Variants in RALGAPA1 observed in about 807,000 individuals in gnomAD.
The protein encoded by RALGAPA1 is Ral GTPase activating protein catalytic subunit alpha 1.
A neutral mutation model predicts 269.6 loss-of-function variants in RALGAPA1; 52 were observed. The observed-to-expected ratio is 0.19, with a 90% CI of 0.15 to 0.24. The LOEUF (loss-of-function observed/expected upper bound fraction) is 0.24, where lower values mean the gene tolerates loss of function less well. Ranked by LOEUF, RALGAPA1 falls within the 10% of genes least tolerant of loss-of-function variation. The pLI is 1.00. For synonymous variants in RALGAPA1, 817 were observed against 1,008.3 expected (o/e 0.81, Z 3.60); for missense variants, 1,917 against 3,013.9 (o/e 0.64, Z 8.52).
Position 35,689,937 on chromosome 14 carries a change from G to T in RALGAPA1, c.2474C>A (p.Thr825Asn). The change falls in exon 18 of 42, where the codon ACT becomes AAT. Residue 825 changes from threonine (T) to asparagine (N), a missense_variant. Transcript: ENST00000680220. ...CAAAGCACCAAAAACTTCATTTCCA[G>T]TTTCTTCACTTTGTGAAAAATGTCT... is the stretch of plus-strand genomic sequence containing the variant. Reference protein sequence around the residue: ...RVRHFSQSEETGNEVFGALNE... With the variant: ...RVRHFSQSEENGNEVFGALNE... 1 of 1,601,808 alleles carries T rather than the reference G, an allele frequency of 6.2e-7. No homozygotes were observed. Among genetic ancestry groups the T allele is most frequent in the African/African-American group, 1.4e-5 (1 of 73,840 alleles).
At chr14:35,673,946 T>TACAG (rs1566971372) in intron 24 of RALGAPA1, among the ~76,000 whole-genome samples, 1 of 152,188 alleles carries the variant, frequency 6.6e-6, no homozygotes, top group Non-Finnish European at 1.5e-5. Flanking sequence ...TTAAATACAA[T>TACAG]ACAGACATAC....
At chr14:35,636,831 T>C (rs1173958278) in intron 31 of RALGAPA1, among the ~76,000 whole-genome samples, 3 of 152,170 alleles carry the variant, frequency 2.0e-5, no homozygotes, top group Admixed American at 2.0e-4. Context: ...TCGAATTATC[T>C]GTAAGTAGAA....
intron 10 of RALGAPA1, among the ~76,000 whole-genome samples, chr14:35,745,763 C>CAAAAA (rs1157650791): frequency 2.4e-4 from 8 of 33,114 alleles, no homozygotes; most frequent in African/African-American, 5.7e-4. Context: ...GACTCCATCT[C>CAAAAA]AAAAAAAAAA....
chr14:35,665,361 C>T (rs1024934729), intron 26 of RALGAPA1, among the ~76,000 whole-genome samples: 1 of 152,150 alleles, frequency 6.6e-6, no homozygotes, highest in African/African-American at 2.4e-5. Context: ...CAACACTGAA[C>T]ATTTCTTTTT....
At chr14:35,574,088 T>C (rs1411993159) in intron 37 of RALGAPA1, among the ~76,000 whole-genome samples, 1 of 152,188 alleles carries the variant, frequency 6.6e-6, no homozygotes, top group Non-Finnish European at 1.5e-5. Flanking sequence ...TGATATCAAG[T>C]ATAATTGAAG....
At chr14:35,762,185 AAC>A (rs1410235157) in intron 5 of RALGAPA1, among the ~76,000 whole-genome samples, 1 of 152,140 alleles carries the variant, frequency 6.6e-6, no homozygotes, top group Non-Finnish European at 1.5e-5. Context: ...GGCAAAGTAC[AAC>A]AGTTTTTTCA....
chr14:35,718,184 G>C (rs938531481), intron 16 of RALGAPA1, among the ~76,000 whole-genome samples: 1 of 152,010 alleles, frequency 6.6e-6, no homozygotes, highest in Non-Finnish European at 1.5e-5. Context: ...TGGTTTATTT[G>C]CTTATTATAT....
intron 6 of RALGAPA1, among the ~76,000 whole-genome samples, chr14:35,758,649 G>A (rs934145069): frequency 6.6e-6 from 1 of 152,112 alleles, no homozygotes; most frequent in Admixed American, 6.5e-5. Context: ...TGAGGCTGGA[G>A]GATTGTTTGA....
At chr14:35,605,518 TA>T in intron 36 of RALGAPA1, 67 bp downstream of exon 36, 1 of 1,459,364 alleles carries the variant, frequency 6.9e-7, no homozygotes, top group Non-Finnish European at 9.2e-7. Context: ...TATAATAAGC[TA>T]GGAAAAAAAA....
chr14:35,638,687 G>A (rs1286340201), intron 31 of RALGAPA1, among the ~76,000 whole-genome samples: 6 of 152,110 alleles, frequency 3.9e-5, no homozygotes, highest in African/African-American at 1.4e-4. Context: ...CACTCTGGGA[G>A]GCTGAGGTAA....
At chr14:35,804,589 A>ATAAATAAAT (rs2077219038) in intron 1 of RALGAPA1, among the ~76,000 whole-genome samples, 1 of 150,326 alleles carries the variant, frequency 6.7e-6, no homozygotes, top group Non-Finnish European at 1.5e-5. Context: ...AAATAAATAA[A>ATAAATAAAT]TAAATAAATA....
In RALGAPA1 at chr14:35,539,458, T is replaced by C. The variant is rs1456092042; in HGVS notation, c.*256A>G. On this transcript the variant is annotated 3_prime_UTR_variant, in exon 42 of 42. Transcript: ENST00000680220. Reference sequence around the variant, plus strand: ...TGTACAGGAAGAAACATGCATGTTATGGCAGACATGAAGGCCTGAAAGGGT... The same window carrying C: ...TGTACAGGAAGAAACATGCATGTTACGGCAGACATGAAGGCCTGAAAGGGT... 5.2e-6 allele frequency: 7 copies of C among 1,347,520 alleles called. No individual in the cohort carries two copies. In the East Asian group the frequency reaches 1.3e-4, roughly 25 times the overall value. The allele number at this position is 1,347,520 out of a possible 1,614,324, so 83.5% of individuals were successfully genotyped here.
intron 37 of RALGAPA1, among the ~76,000 whole-genome samples, chr14:35,590,213 T>G (rs776661151): frequency 4.6e-5 from 7 of 152,236 alleles, no homozygotes; most frequent in Admixed American, 3.3e-4. Context: ...AACTTTTCAC[T>G]GAATATGCTT....
intron 1 of RALGAPA1, among the ~76,000 whole-genome samples, chr14:35,794,254 A>G (rs2076397631): frequency 6.6e-6 from 1 of 152,044 alleles, no homozygotes; most frequent in African/African-American, 2.4e-5. Flanking sequence ...GCGGTCAGAT[A>G]ACTTGAGCCC....
intron 33 of RALGAPA1, among the ~76,000 whole-genome samples, chr14:35,631,507 A>G (rs976306355): frequency 1.3e-5 from 2 of 152,172 alleles, no homozygotes; most frequent in Non-Finnish European, 2.9e-5. Flanking sequence ...ATAGAAAAAG[A>G]TTTTTCTATT....
At chr14:35,789,626 G>A (rs1212987053) in intron 1 of RALGAPA1, among the ~76,000 whole-genome samples, 1 of 151,970 alleles carries the variant, frequency 6.6e-6, no homozygotes, top group African/African-American at 2.4e-5. Flanking sequence ...ATCTTCTGAG[G>A]TGGAACAGTT....
chr14:35,785,427 T>C (rs1312066357), intron 1 of RALGAPA1, among the ~76,000 whole-genome samples: 2 of 152,140 alleles, frequency 1.3e-5, no homozygotes, highest in East Asian at 3.8e-4. Flanking sequence ...CTTTAAATTA[T>C]AAAGAAGTAA....
At position 35,683,960 on chromosome 14, in the gene RALGAPA1, C is replaced by G; in HGVS notation, c.4320G>C (p.Gly1440=). 6.2e-7 allele frequency: 1 copy of G among 1,610,936 alleles called. No individual in the cohort carries two copies. Among genetic ancestry groups the G allele is most frequent in the South Asian group, 1.1e-5 (1 of 90,438 alleles). Residue 1440 remains glycine (G), a synonymous_variant, in exon 21 of 42, where the codon GGG becomes GGC. Transcript: ENST00000680220. ...AATCCACATCAGCAGAGGACGTAAC[C>G]CCAGTGTCGGTTCCAAAGCCAAAAT... The part of the protein sequence containing the change: ...FDNFGFGTDT[G]VTSSADVDSG...
chr14:35,634,879 A>T, intron 32 of RALGAPA1, 122 bp from the exon 33 acceptor site: 1 of 1,009,704 alleles, frequency 9.9e-7, no homozygotes, highest in Non-Finnish European at 1.4e-6. Context: ...ATATTTTAAA[A>T]CATCAGGCCT....
Sources: allele counts gnomAD v4.1 joint callset (sites outside exome capture counted in the v4.1 genomes callset), GRCh38; gene constraint gnomAD v4.1.1; transcripts MANE v1.5; gene names NCBI Gene and HGNC (gene_info 2026-07-23, HGNC 2026-07-21).